The following DCBLD2 variants were observed in gnomAD, a reference collection of about 807,000 sequenced individuals.
DCBLD2 encodes discoidin, CUB and LCCL domain-containing protein 2.
A neutral mutation model predicts 86.8 loss-of-function variants in DCBLD2; 54 were observed. The ratio of observed to expected loss-of-function variants is 0.62; its 90% CI spans 0.50 to 0.78. DCBLD2 has a LOEUF of 0.78. Ranked by LOEUF, DCBLD2 falls within the 30% of genes least tolerant of loss-of-function variation. DCBLD2 has a pLI of 0.00. For synonymous variants in DCBLD2, 354 were observed against 341.3 expected, an observed-to-expected ratio of 1.04 and a Z score of -0.41; for missense variants, 908 against 954.2, an observed-to-expected ratio of 0.95 and a Z score of 0.64.
Position 98,825,347 on chromosome 3 carries a change from G to A in DCBLD2, c.591C>T (p.Asp197=), listed in dbSNP as rs756196358. 1 of 1,552,912 alleles carries A rather than the reference G, an allele frequency of 6.4e-7. No homozygotes were observed. Among genetic ancestry groups the A allele is most frequent in the Non-Finnish European group, 8.7e-7 (1 of 1,155,682 alleles). The change falls in exon 4 of 16, where the codon GAC becomes GAT. Residue 197 remains aspartate (D), a synonymous_variant. Coordinates refer to ENST00000326840, the MANE Select transcript of DCBLD2 (RefSeq NM_080927.4). ...CAGGTTCCAAAAAATTGGATGCAGT[G>A]TCCAAACAAGTAATTAGATCTAGAA... ...IDKQDLITCL[D]TASNFLEPEF... is the part of the protein sequence containing the mutation.
At chr3:98,864,334 T>C (rs532495661) in intron 2 of DCBLD2, among the ~76,000 whole-genome samples, 30 of 152,272 alleles carry the variant, frequency 2.0e-4, no homozygotes, top group Non-Finnish European at 3.7e-4. Context: ...TACCATTTGA[T>C]CCAGCCATCC....
intron 3 of DCBLD2, among the ~76,000 whole-genome samples, chr3:98,837,325 C>T (rs1468893691): frequency 1.7e-4 from 1 of 5,780 alleles, no homozygotes; most frequent in Non-Finnish European, 9.4e-4. Context: ...CCGGACGGGG[C>T]GGCTGGCCGG....
At chr3:98,881,373 A>C (rs1041981263) in intron 2 of DCBLD2, among the ~76,000 whole-genome samples, 167 bp downstream of exon 2, 2 of 152,156 alleles carry the variant, frequency 1.3e-5, no homozygotes, top group Non-Finnish European at 2.9e-5. Context: ...AAGTAAACAG[A>C]CAAGAATCTT....
rs1486590334 is a variant in DCBLD2, at chr3:98,808,083, G to A, written c.1668C>T (p.Asn556=). ...AGGTGAACTAGTTATGTACTAACCT[G>A]TTTCTCCAGTGCCAAGCACACACTA... ...LILVCAWHWR[N]RKKKTEGTYD... Residue 556 remains asparagine, a splice_region_variant and synonymous_variant, in exon 13 of 16, where the codon AAC becomes AAT. Coordinates refer to ENST00000326840, the MANE Select transcript of DCBLD2 (RefSeq NM_080927.4). 1.0e-5 allele frequency: 16 copies of A among 1,591,428 alleles called. No homozygotes were observed. The highest frequency in any genetic ancestry group is 1.4e-5 in the African/African-American group (1 of 73,932).
At chr3:98,818,814 A>G (rs1162808160) in intron 8 of DCBLD2, among the ~76,000 whole-genome samples, 1 of 152,196 alleles carries the variant, frequency 6.6e-6, no homozygotes, top group Non-Finnish European at 1.5e-5. Flanking sequence ...ACCTTTGACC[A>G]TAGACTAAAA....
At chr3:98,807,172 C>T (rs1189773016) in intron 13 of DCBLD2, among the ~76,000 whole-genome samples, 4 of 152,214 alleles carry the variant, frequency 2.6e-5, no homozygotes, top group Admixed American at 1.3e-4. Context: ...GACTCTCCCA[C>T]GCCAAGCGTA....
At chr3:98,858,099 G>C (rs932848811) in intron 2 of DCBLD2, among the ~76,000 whole-genome samples, 2 of 152,242 alleles carry the variant, frequency 1.3e-5, no homozygotes, top group Non-Finnish European at 2.9e-5. Flanking sequence ...CGGGCTGCAG[G>C]TCCCGAGCCC....
At chr3:98,800,013 T>A (rs772669791) in intron 15 of DCBLD2, among the ~76,000 whole-genome samples, 172 bp from the exon 16 acceptor site, 3 of 152,242 alleles carry the variant, frequency 2.0e-5, no homozygotes, top group African/African-American at 4.8e-5. Context: ...TACTGTCTAG[T>A]ACTTCTCATA....
intron 7 of DCBLD2, 110 bp from the exon 8 acceptor site, chr3:98,819,527 A>G: frequency 9.3e-7 from 1 of 1,077,138 alleles, no homozygotes; most frequent in Non-Finnish European, 1.4e-6. Flanking sequence ...ACACTACACT[A>G]ATAATACACT....
intron 1 of DCBLD2, among the ~76,000 whole-genome samples, chr3:98,894,083 T>C (rs1391135123): frequency 6.6e-6 from 1 of 152,200 alleles, no homozygotes. Context: ...GGAAAGAGCA[T>C]TGTTGAGATG....
intron 3 of DCBLD2, among the ~76,000 whole-genome samples, chr3:98,839,102 C>CT (rs1553726956): frequency 3.2e-5 from 4 of 125,944 alleles, no homozygotes; most frequent in South Asian, 2.8e-4. Flanking sequence ...CCTGTGCTCC[C>CT]TTCTTTCTTT....
intron 2 of DCBLD2, among the ~76,000 whole-genome samples, chr3:98,872,482 T>C (rs1376112433): frequency 6.6e-6 from 1 of 152,120 alleles, no homozygotes; most frequent in African/African-American, 2.4e-5. Flanking sequence ...CCACCAGAAT[T>C]ATGAACCAAA....
chr3:98,867,800 G>GT (rs1312217767), intron 2 of DCBLD2, among the ~76,000 whole-genome samples: 6 of 149,116 alleles, frequency 4.0e-5, no homozygotes, highest in African/African-American at 1.2e-4. Flanking sequence ...TGTTTTTGTT[G>GT]TTTTTTGTTT....
At chr3:98,861,802 C>T (rs904136003) in intron 2 of DCBLD2, among the ~76,000 whole-genome samples, 1 of 151,974 alleles carries the variant, frequency 6.6e-6, no homozygotes, top group African/African-American at 2.4e-5. Flanking sequence ...ACCCTAACAT[C>T]ACAATTAAAA....
rs1941653988 is a variant in DCBLD2, at chr3:98,798,529, T to C, written c.*843A>G. 6.6e-6 allele frequency: 1 copy of C among 152,140 alleles called. No individual in the cohort carries two copies. The highest frequency in any genetic ancestry group is 2.4e-5 in the African/African-American group (1 of 41,418). 9.4% of individuals were successfully genotyped at this position (152,140 alleles called of 1,614,324 possible). A position where few individuals can be genotyped will look rare whatever the true frequency, so the allele number is the denominator to read the frequency against. ...ATCCCATTGCAAATAAAGTTGGGGGTGGGAGAAGAATCTCCTTTAAAGCTT... is the reference window on the plus strand; with the variant it reads ...ATCCCATTGCAAATAAAGTTGGGGGCGGGAGAAGAATCTCCTTTAAAGCTT... On this transcript the variant is annotated 3_prime_UTR_variant, in exon 16 of 16. Transcript: ENST00000326840.
Position 98,799,793 on chromosome 3 carries a change from C to G in DCBLD2, c.1907G>C (p.Arg636Thr). Residue 636 changes from arginine to threonine, a missense_variant, in exon 16 of 16, where the codon AGA becomes ACA. This residue lies in a region of DCBLD2 where 606 missense variants were observed against 678.5 expected (regional missense o/e 0.89). Coordinates refer to ENST00000326840, the MANE Select transcript of DCBLD2 (RefSeq NM_080927.4). ...TCCTTCTTCTGGTTTAAAGGTAGAT[C>G]TTTGATGAAGTGTACCAACAATTCC... ...VGGIVGTLHQ[R>T]STFKPEEGKE... 6.2e-7 allele frequency: 1 copy of G among 1,613,722 alleles called. No individual in the cohort carries two copies. Among genetic ancestry groups the G allele is most frequent in the Non-Finnish European group, 8.5e-7 (1 of 1,179,764 alleles).
rs118066631 is a variant in DCBLD2 at position 98,847,202 on chromosome 3, G to A, written c.571+2259C>T. Among the ~76,000 whole-genome samples the A allele has an allele frequency of 9.9e-5, 15 of 152,132 alleles. No individual in the cohort carries two copies. The East Asian group carries it at 2.5e-3, about 26-fold the overall frequency. On this transcript the variant is annotated intron_variant, in intron 3 of 15. Transcript: ENST00000326840. ...ACATTGTATGTGTCTGCTATGTCAT[G>A]AGCCTACAAACAGTACACATGTTTT...
chr3:98,862,612 C>A (rs974821967), intron 2 of DCBLD2, among the ~76,000 whole-genome samples: 1 of 152,114 alleles, frequency 6.6e-6, no homozygotes, highest in Non-Finnish European at 1.5e-5. Context: ...GAACCACATA[C>A]AAAAACCACA....
At chr3:98,849,819 T>C (rs1419563187) in intron 2 of DCBLD2, among the ~76,000 whole-genome samples, 1 of 152,158 alleles carries the variant, frequency 6.6e-6, no homozygotes, top group East Asian at 1.9e-4. Flanking sequence ...AGTACATGCA[T>C]CACTGAACTT....
Sources: allele counts gnomAD v4.1 joint callset (sites outside exome capture counted in the v4.1 genomes callset), GRCh38; gene constraint gnomAD v4.1.1; regional missense constraint gnomAD v4.1.1; transcripts MANE v1.5; gene names NCBI Gene and HGNC (gene_info 2026-07-23, HGNC 2026-07-21).